Variants in GPATCH2 observed in about 807,000 individuals in gnomAD.
GPATCH2 encodes the protein G patch domain-containing protein 2.
Under a neutral mutation model 58.0 loss-of-function variants are expected in GPATCH2, and 51 were observed. That is an observed-to-expected ratio of 0.88 (90% confidence interval 0.70 to 1.11). GPATCH2 has a LOEUF of 1.11. Among genes scored for constraint, GPATCH2 ranks in the 50% most tolerant of loss-of-function variants. The pLI is 0.00. For synonymous variants in GPATCH2, 222 were observed against 218.5 expected (o/e 1.02, Z -0.14); for missense variants, 625 against 652.2 (o/e 0.96, Z 0.45).
intron 8 of GPATCH2, among the ~76,000 whole-genome samples, chr1:217,490,044 A>G (rs967941182): frequency 6.6e-6 from 1 of 152,312 alleles, no homozygotes; most frequent in East Asian, 1.9e-4. Flanking sequence ...GACTTTTATG[A>G]AATACACCCT....
At position 217,430,706 on chromosome 1, in the gene GPATCH2, T is replaced by C. The variant is rs140384280; in HGVS notation, c.*439A>G. 72 of 167,614 alleles carry C rather than the reference T, an allele frequency of 4.3e-4. No individual in the cohort carries two copies. The highest frequency in any genetic ancestry group is 7.8e-4 in the Non-Finnish European group (61 of 77,916). The allele number at this position is 167,614 out of a possible 1,614,324, so 10.4% of individuals were successfully genotyped here. On this transcript the variant is annotated 3_prime_UTR_variant, in exon 10 of 10. Coordinates refer to ENST00000366935, the MANE Select transcript of GPATCH2 (RefSeq NM_018040.5). ...ATGTGTTCGGACTTCACTGATGCGATGGTAGGTCTTTTGGGTTACAATAGA... is the reference window on the plus strand; with the variant it reads ...ATGTGTTCGGACTTCACTGATGCGACGGTAGGTCTTTTGGGTTACAATAGA...
intron 9 of GPATCH2, among the ~76,000 whole-genome samples, chr1:217,445,710 G>A (rs1659357913): frequency 6.6e-6 from 1 of 152,036 alleles, no homozygotes; most frequent in South Asian, 2.1e-4. Flanking sequence ...ATACAAAGGT[G>A]AAAGAGCAGT....
In GPATCH2 at chr1:217,494,569, T is replaced by C. The variant is rs540495178; in HGVS notation, c.1207-2819A>G. The stretch of plus-strand genomic sequence containing the variant: ...GCCTGGCCAACATAGCGAAACCTTG[T>C]CTCTACTAAAAATAGAAAAATTAGC... On this transcript the variant is annotated intron_variant, in intron 7 of 9. Coordinates refer to ENST00000366935, the MANE Select transcript of GPATCH2 (RefSeq NM_018040.5). Among the ~76,000 whole-genome samples, 5 of 152,174 alleles carry C rather than the reference T, an allele frequency of 3.3e-5. No individual in the cohort carries two copies. In the South Asian group the frequency reaches 1.0e-3, roughly 32 times the overall value.
intron 5 of GPATCH2, among the ~76,000 whole-genome samples, chr1:217,515,250 C>T (rs1054867889): frequency 6.6e-6 from 1 of 151,992 alleles, no homozygotes; most frequent in Non-Finnish European, 1.5e-5. Flanking sequence ...CACCCGCCAC[C>T]ACGCCCGGCT....
intron 5 of GPATCH2, among the ~76,000 whole-genome samples, chr1:217,589,811 A>G (rs1368658608): frequency 6.6e-6 from 1 of 152,176 alleles, no homozygotes; most frequent in Admixed American, 6.5e-5. Context: ...TTATTGCTCT[A>G]TTCAGTCTGC....
intron 8 of GPATCH2, among the ~76,000 whole-genome samples, chr1:217,467,109 G>T (rs1222639453): frequency 3.3e-5 from 5 of 152,178 alleles, no homozygotes; most frequent in Admixed American, 3.3e-4. Flanking sequence ...CCTGGGAGGC[G>T]GATGTTGCAG....
intron 8 of GPATCH2, among the ~76,000 whole-genome samples, chr1:217,470,034 A>T (rs1660647769): frequency 6.6e-6 from 1 of 152,206 alleles, no homozygotes; most frequent in Non-Finnish European, 1.5e-5. Context: ...CCCAGGCTGC[A>T]GTAGTGATAC....
chr1:217,454,957 T>G (rs918081600), intron 8 of GPATCH2, among the ~76,000 whole-genome samples: 1 of 152,164 alleles, frequency 6.6e-6, no homozygotes, highest in Non-Finnish European at 1.5e-5. Context: ...TGGTGTTTTC[T>G]TTCAAAGCAG....
rs1669121801 is a variant in GPATCH2, at chr1:217,620,303, C to T, written c.253G>A (p.Gly85Ser). The T allele has an allele frequency of 1.2e-6, 2 of 1,614,086 alleles. No individual in the cohort carries two copies. Among genetic ancestry groups the T allele is most frequent in the East Asian group, 4.5e-5 (2 of 44,854 alleles). ...SYNVHHPWET[G>S]HCLSEGSDSS... ...TCAGAGCCTTCACTTAAGCAGTGACCAGTCTCCCACGGGTGATGCACATTA... is the reference window on the plus strand; with the variant it reads ...TCAGAGCCTTCACTTAAGCAGTGACTAGTCTCCCACGGGTGATGCACATTA... The change falls in exon 2 of 10, where the codon GGT (glycine) becomes AGT (serine). Residue 85 changes from glycine to serine, a missense_variant. Transcript: ENST00000366935.
chr1:217,436,844 G>A (rs1423220027), intron 9 of GPATCH2, among the ~76,000 whole-genome samples: 1 of 152,122 alleles, frequency 6.6e-6, no homozygotes, highest in Non-Finnish European at 1.5e-5. Flanking sequence ...CTTGAACTTA[G>A]GACATTTGAT....
Position 217,571,512 on chromosome 1 carries a change from T to TA in GPATCH2, c.1098+38808dup, listed in dbSNP as rs11366675. Among the ~76,000 whole-genome samples, 260 of 142,688 alleles carry TA rather than the reference T, an allele frequency of 1.8e-3. 1 individual carries two copies. Among genetic ancestry groups the TA allele is most frequent in the African/African-American group, 3.9e-3 (149 of 38,452 alleles). The allele number at this position is 142,688 out of a possible 152,430, so 93.6% of individuals were successfully genotyped here. On this transcript the variant is annotated intron_variant, in intron 5 of 9. Transcript: ENST00000366935. The stretch of plus-strand genomic sequence containing the variant: ...TCTGGGCGCCACATTTGAAAGACAT[T>TA]AAAAAAAAAAAGCATATTTAAAGGT...
chr1:217,576,918 T>G (rs1353371112), intron 5 of GPATCH2, among the ~76,000 whole-genome samples: 1 of 152,232 alleles, frequency 6.6e-6, no homozygotes, highest in Non-Finnish European at 1.5e-5. Flanking sequence ...GCACTGGTGA[T>G]CATATTTTGG....
At chr1:217,594,173 G>C (rs567737384) in intron 5 of GPATCH2, among the ~76,000 whole-genome samples, 16 of 151,950 alleles carry the variant, frequency 1.1e-4, no homozygotes. Flanking sequence ...TTGTTCCCAA[G>C]AAACACATTT....
At position 217,620,139 on chromosome 1, in the gene GPATCH2, T is replaced by C; in HGVS notation, c.417A>G (p.Lys139=). The change falls in exon 2 of 10, where the codon AAA becomes AAG. Residue 139 remains lysine, a synonymous_variant. Coordinates refer to ENST00000366935, the MANE Select transcript of GPATCH2 (RefSeq NM_018040.5). ...SSNLNNNVRG[K]RPLWHESDFA... ...AATCAGACTCATGCCATAGAGGTCT[T>C]TTCCCTCGAACATTATTATTTAAGT... is the stretch of plus-strand genomic sequence containing the variant. The C allele has an allele frequency of 1.2e-6, 2 of 1,614,148 alleles. No individual in the cohort carries two copies. Among genetic ancestry groups the C allele is most frequent in the East Asian group, 2.2e-5 (1 of 44,886 alleles).
At chr1:217,560,642 G>A (rs1349113990) in intron 5 of GPATCH2, among the ~76,000 whole-genome samples, 1 of 152,168 alleles carries the variant, frequency 6.6e-6, no homozygotes, top group Admixed American at 6.5e-5. Flanking sequence ...CAATTCTGTA[G>A]GTGCTTCATT....
intron 5 of GPATCH2, among the ~76,000 whole-genome samples, chr1:217,570,185 G>A (rs1571937825): frequency 6.6e-6 from 1 of 152,024 alleles, no homozygotes; most frequent in South Asian, 2.1e-4. Flanking sequence ...AATCTCGGCT[G>A]AATGCAACCT....
At chr1:217,489,612 C>A (rs1661622978) in intron 8 of GPATCH2, among the ~76,000 whole-genome samples, 1 of 152,164 alleles carries the variant, frequency 6.6e-6, no homozygotes, top group Admixed American at 6.5e-5. Flanking sequence ...CCTGTAATCC[C>A]AGCACTTTGG....
chr1:217,583,809 T>A (rs1449162650), intron 5 of GPATCH2, among the ~76,000 whole-genome samples: 1 of 152,006 alleles, frequency 6.6e-6, no homozygotes, highest in Non-Finnish European at 1.5e-5. Flanking sequence ...ATAAAATACA[T>A]TATTTACCAT....
chr1:217,449,123 G>A (rs754009581), intron 9 of GPATCH2, 126 bp downstream of exon 9: 66 of 652,956 alleles, frequency 1.0e-4, no homozygotes, highest in Non-Finnish European at 1.8e-4. Flanking sequence ...CAAATGATTT[G>A]TTTTCATAGT....
Sources: gnomAD v4.1 joint callset for allele counts (sites outside exome capture counted in the v4.1 genomes callset) on GRCh38, gnomAD v4.1.1 for gene constraint, MANE v1.5 for transcripts, NCBI Gene and HGNC (gene_info 2026-07-23, HGNC 2026-07-21) for gene names.